The following DLG2 variants were observed in gnomAD, a reference collection of about 807,000 sequenced individuals.
DLG2 encodes discs large MAGUK scaffold protein 2, also known as disks large homolog 2.
DLG2 carries 45 observed loss-of-function variants against 132.5 expected under a neutral mutation model. The ratio of observed to expected loss-of-function variants is 0.34; its 90% CI spans 0.27 to 0.44. DLG2 has a LOEUF of 0.44. Among genes scored for constraint, DLG2 ranks in the 20% least tolerant of loss-of-function variants. The probability of loss-of-function intolerance (pLI) is 1.00; values close to 1 mark genes in which losing one functional copy is unlikely to be tolerated. For missense variants in DLG2, 1,045 were observed against 1,196.9 expected (o/e 0.87, Z 1.87); for synonymous variants, 424 against 419.6 (o/e 1.01, Z -0.13).
chr11:84,046,297 A>T (rs1277682954), intron 11 of DLG2, among the ~76,000 whole-genome samples: 2 of 151,768 alleles, frequency 1.3e-5, no homozygotes, highest in South Asian at 2.1e-4. Flanking sequence ...GTGAAAATAT[A>T]TGAGTGAATC....
chr11:85,285,064 A>T (rs578243850), intron 4 of DLG2, among the ~76,000 whole-genome samples, 156 bp downstream of exon 4: 11 of 151,952 alleles, frequency 7.2e-5, no homozygotes, highest in Non-Finnish European at 1.5e-4. Flanking sequence ...GGAAAAATTG[A>T]ATTTTCATAT....
chr11:85,547,013 A>C (rs1439386641), intron 3 of DLG2, among the ~76,000 whole-genome samples: 2 of 151,962 alleles, frequency 1.3e-5, no homozygotes, highest in African/African-American at 4.8e-5. Context: ...ATTTAAGGTT[A>C]ATATTGTTAT....
chr11:84,455,402 C>G (rs1243915514), intron 7 of DLG2, among the ~76,000 whole-genome samples: 1 of 151,152 alleles, frequency 6.6e-6, no homozygotes, highest in African/African-American at 2.4e-5. Context: ...AGCAGTGTAC[C>G]TAATTTTAAT....
rs1174875934 is a variant in DLG2, at chr11:85,289,767, G to C, written c.41-4402C>G. On this transcript the variant is annotated intron_variant, in intron 3 of 27. Coordinates refer to ENST00000376104, the MANE Select transcript of DLG2 (RefSeq NM_001142699.3). ...TTCTGAACACTTGGTTCTGCTTAGG[G>C]AGCTAGATAAATGCTCATATCCACT... 3.9e-5 allele frequency among the ~76,000 whole-genome samples: 6 copies of C among 152,084 alleles called. No individual in the cohort carries two copies. In the East Asian group the frequency reaches 7.7e-4, roughly 20 times the overall value.
chr11:85,272,985 C>G (rs1007696539), intron 4 of DLG2, among the ~76,000 whole-genome samples: 15 of 151,948 alleles, frequency 9.9e-5, no homozygotes, highest in African/African-American at 2.7e-4. Context: ...ACAAACCTGA[C>G]AAAAACAAGA....
chr11:84,157,268 A>T (rs2095446789), intron 9 of DLG2, among the ~76,000 whole-genome samples: 2 of 152,196 alleles, frequency 1.3e-5, no homozygotes, highest in Admixed American at 1.3e-4. Flanking sequence ...AAATGTAAAT[A>T]TTAAATACAA....
intron 7 of DLG2, among the ~76,000 whole-genome samples, chr11:84,328,998 G>T (rs940545793): frequency 2.6e-5 from 4 of 152,164 alleles, no homozygotes; most frequent in Non-Finnish European, 5.9e-5. Context: ...TAGAATTCTT[G>T]CAGGGCAGAA....
At chr11:85,209,716 A>G (rs2082138297) in intron 4 of DLG2, among the ~76,000 whole-genome samples, 1 of 151,108 alleles carries the variant, frequency 6.6e-6, no homozygotes, top group East Asian at 1.9e-4. Flanking sequence ...CTGGGATTAT[A>G]GGCATGAGCC....
Position 84,251,308 on chromosome 11 carries a change from A to C in DLG2, c.520-17T>G. 2 of 1,534,566 alleles carry C rather than the reference A, an allele frequency of 1.3e-6. No homozygotes were observed. The highest frequency in any genetic ancestry group is 1.8e-6 in the Non-Finnish European group (2 of 1,134,118). ...AGGACTGGCCTGAAAAAAGAAATAG[A>C]AAAAAAATTAAATAATGAATAGTGT... On this transcript the variant is annotated splice_polypyrimidine_tract_variant and intron_variant, in intron 7 of 27. Coordinates refer to ENST00000376104, the MANE Select transcript of DLG2 (RefSeq NM_001142699.3).
At chr11:84,006,347 G>A (rs1458365751) in intron 11 of DLG2, among the ~76,000 whole-genome samples, 1 of 151,546 alleles carries the variant, frequency 6.6e-6, no homozygotes, top group East Asian at 1.9e-4. Flanking sequence ...ACACTTAGAT[G>A]AAACGTATAA....
intron 16 of DLG2, among the ~76,000 whole-genome samples, chr11:83,834,669 G>C (rs557860228): frequency 1.0e-3 from 158 of 152,066 alleles, no homozygotes; most frequent in African/African-American, 3.7e-3. Context: ...CCTTCAGAGA[G>C]GACTATAAAT....
intron 6 of DLG2, among the ~76,000 whole-genome samples, chr11:84,714,622 T>TC (rs1491502023): frequency 1.8e-4 from 21 of 115,194 alleles, no homozygotes; most frequent in African/African-American, 6.6e-4. Flanking sequence ...TCTCTTTCTC[T>TC]TTCTCTCTCT....
At chr11:83,500,941 A>T (rs1182258780) in intron 21 of DLG2, among the ~76,000 whole-genome samples, 2 of 152,086 alleles carry the variant, frequency 1.3e-5, no homozygotes, top group Non-Finnish European at 2.9e-5. Context: ...TAAGCCTAAA[A>T]TTGTATAGGA....
At chr11:84,260,240 A>G (rs1373729579) in intron 7 of DLG2, among the ~76,000 whole-genome samples, 1 of 152,188 alleles carries the variant, frequency 6.6e-6, no homozygotes, top group African/African-American at 2.4e-5. Context: ...ATTAGCTCAA[A>G]TCTCAAATGT....
chr11:85,146,032 A>G (rs2076816365), intron 5 of DLG2, among the ~76,000 whole-genome samples: 1 of 152,130 alleles, frequency 6.6e-6, no homozygotes, highest in Non-Finnish European at 1.5e-5. Flanking sequence ...GTCTCTGGTC[A>G]CTGAAGCCAT....
At chr11:84,223,280 C>T (rs1423685495) in intron 8 of DLG2, among the ~76,000 whole-genome samples, 1 of 152,018 alleles carries the variant, frequency 6.6e-6, no homozygotes. Context: ...AATGCTTTTG[C>T]CCTTGATAAG....
chr11:84,344,301 A>G (rs535537447), intron 7 of DLG2, among the ~76,000 whole-genome samples: 1 of 152,264 alleles, frequency 6.6e-6, no homozygotes, highest in South Asian at 2.1e-4. Context: ...TTTTTCTGAT[A>G]TCTAACATTG....
intron 6 of DLG2, among the ~76,000 whole-genome samples, chr11:84,830,523 C>T (rs1410453313): frequency 6.6e-6 from 1 of 151,640 alleles, no homozygotes; most frequent in South Asian, 2.1e-4. Flanking sequence ...GAACTCTTGT[C>T]ACCTTGTGAA....
At chr11:85,002,276 C>G (rs2058284794) in intron 6 of DLG2, among the ~76,000 whole-genome samples, 1 of 152,016 alleles carries the variant, frequency 6.6e-6, no homozygotes, top group Non-Finnish European at 1.5e-5. Flanking sequence ...AGTTGCTAGT[C>G]TGTGGGAAAG....
Sources: allele counts gnomAD v4.1 joint callset (sites outside exome capture counted in the v4.1 genomes callset), GRCh38; gene constraint gnomAD v4.1.1; transcripts MANE v1.5; gene names NCBI Gene and HGNC (gene_info 2026-07-23, HGNC 2026-07-21).